FAM193A: variants seen among roughly 807,000 people sequenced by gnomAD.
FAM193A encodes the protein protein FAM193A.
FAM193A carries 22 observed loss-of-function variants against 126.5 expected under a neutral mutation model. The observed-to-expected ratio is 0.17, with a 90% CI of 0.12 to 0.25. FAM193A has a LOEUF of 0.25. Among genes scored for constraint, FAM193A ranks in the 10% least tolerant of loss-of-function variants. The probability of loss-of-function intolerance (pLI) is 1.00; values close to 1 mark genes in which losing one functional copy is unlikely to be tolerated. For synonymous variants in FAM193A, 761 were observed against 646.8 expected (o/e 1.18, Z -2.68); for missense variants, 1,675 against 1,672.8 (o/e 1.00, Z -0.02).
At chr4:2,539,974 C>T (rs1442495997) in intron 1 of FAM193A, among the ~76,000 whole-genome samples, 2 of 151,842 alleles carry the variant, frequency 1.3e-5, no homozygotes, top group African/African-American at 4.8e-5. Context: ...AAAAATTAGC[C>T]AGGTGTGGTG....
chr4:2,610,888 C>T (rs1052739081), intron 2 of FAM193A, among the ~76,000 whole-genome samples: 1 of 152,036 alleles, frequency 6.6e-6, no homozygotes, highest in Non-Finnish European at 1.5e-5. Context: ...CAGGCATGCA[C>T]CACCACGCCC....
intron 15 of FAM193A, among the ~76,000 whole-genome samples, chr4:2,691,458 G>T (rs1377574877): frequency 1.3e-5 from 2 of 152,170 alleles, no homozygotes; most frequent in Admixed American, 1.3e-4. Context: ...TGAGCATGTG[G>T]CAAGATTTCT....
intron 12 of FAM193A, among the ~76,000 whole-genome samples, chr4:2,669,213 C>G (rs559369608): frequency 2.0e-5 from 3 of 152,122 alleles, no homozygotes; most frequent in Admixed American, 1.3e-4. Flanking sequence ...TAAATTCTGC[C>G]GAATTTAAGT....
At chr4:2,605,694 G>A (rs1052439328) in intron 2 of FAM193A, among the ~76,000 whole-genome samples, 1 of 152,124 alleles carries the variant, frequency 6.6e-6, no homozygotes, top group African/African-American at 2.4e-5. Context: ...AAGTAGGGCC[G>A]GACACGGTGG....
At chr4:2,669,634 G>C (rs1276002274) in intron 12 of FAM193A, among the ~76,000 whole-genome samples, 1 of 152,142 alleles carries the variant, frequency 6.6e-6, no homozygotes, top group African/African-American at 2.4e-5. Context: ...ATAATAAATA[G>C]AGTGGTTGTT....
At chr4:2,568,021 A>G (rs1207976557) in intron 1 of FAM193A, among the ~76,000 whole-genome samples, 2 of 151,694 alleles carry the variant, frequency 1.3e-5, no homozygotes, top group Non-Finnish European at 2.9e-5. Context: ...TCTCGTCTCC[A>G]TTTCCCACCC....
In FAM193A at chr4:2,615,178, C is replaced by T. The variant is rs1258507833; in HGVS notation, c.502-10084C>T. On this transcript the variant is annotated intron_variant, in intron 2 of 20. Coordinates refer to ENST00000637812, the MANE Select transcript of FAM193A (RefSeq NM_001366318.2). ...TCAAGAAGGAACAAAGAAATCTGTA[C>T]TGGTTGTGAACAGTTAGTTATCAAC... is the stretch of plus-strand genomic sequence containing the variant. The T allele has an allele frequency of 3.9e-5, 6 of 152,480 alleles. No homozygotes were observed. In the South Asian group the frequency reaches 1.2e-3, roughly 32 times the overall value. 9.4% of individuals were successfully genotyped at this position (152,480 alleles called of 1,614,324 possible). A position where few individuals can be genotyped will look rare whatever the true frequency, so the allele number is the denominator to read the frequency against.
chr4:2,542,176 T>C (rs763153746), intron 1 of FAM193A, among the ~76,000 whole-genome samples: 11 of 152,032 alleles, frequency 7.2e-5, no homozygotes, highest in Non-Finnish European at 1.3e-4. Flanking sequence ...CCACCACACT[T>C]GGGTAATTTT....
At chr4:2,567,567 T>A (rs2108852068) in intron 1 of FAM193A, among the ~76,000 whole-genome samples, 1 of 152,348 alleles carries the variant, frequency 6.6e-6, no homozygotes, top group South Asian at 2.1e-4. Flanking sequence ...CAACAAGTTT[T>A]GTGTTGTTAT....
chr4:2,559,025 A>G (rs907329876), intron 1 of FAM193A, among the ~76,000 whole-genome samples: 2 of 152,222 alleles, frequency 1.3e-5, no homozygotes, highest in African/African-American at 4.8e-5. Flanking sequence ...CAAGAACAGC[A>G]TAGGAAGACG....
chr4:2,725,503 T>C (rs1720639880), intron 20 of FAM193A, among the ~76,000 whole-genome samples: 1 of 136,666 alleles, frequency 7.3e-6, no homozygotes, highest in Non-Finnish European at 1.6e-5. Context: ...GGCAGTGAAA[T>C]GTGAGAGCGG....
intron 7 of FAM193A, among the ~76,000 whole-genome samples, chr4:2,648,983 T>TC (rs1443559084): frequency 6.6e-6 from 1 of 152,194 alleles, no homozygotes; most frequent in Non-Finnish European, 1.5e-5. Context: ...ATGAGTCTTT[T>TC]CCCTCCCTAC....
At chr4:2,643,141 C>T (rs1577123114) in intron 6 of FAM193A, among the ~76,000 whole-genome samples, 2 of 152,264 alleles carry the variant, frequency 1.3e-5, no homozygotes, top group East Asian at 3.9e-4. Flanking sequence ...CCAACCAGCA[C>T]GTTCCCTGAG....
intron 1 of FAM193A, among the ~76,000 whole-genome samples, chr4:2,553,974 A>G (rs1738104597): frequency 6.6e-6 from 1 of 152,078 alleles, no homozygotes; most frequent in Admixed American, 6.6e-5. Context: ...CTCCCCAGGC[A>G]TGTGGAACTC....
intron 20 of FAM193A, among the ~76,000 whole-genome samples, chr4:2,724,893 G>T (rs1033009557): frequency 3.3e-5 from 5 of 152,080 alleles, no homozygotes; most frequent in Non-Finnish European, 5.9e-5. Context: ...TTAACTTTTT[G>T]AGATGGAGTT....
At chr4:2,542,985 TC>T (rs1737324423) in intron 1 of FAM193A, among the ~76,000 whole-genome samples, 2 of 151,958 alleles carry the variant, frequency 1.3e-5, no homozygotes, top group Admixed American at 6.6e-5. Context: ...GCTTATAGGG[TC>T]TTTGACTCAA....
chr4:2,612,926 T>C (rs749041583), intron 2 of FAM193A, among the ~76,000 whole-genome samples: 1 of 152,258 alleles, frequency 6.6e-6, no homozygotes. Context: ...ATGTAAACTT[T>C]AGAGCCAACT....
chr4:2,648,009 G>A lies in FAM193A; in HGVS notation c.1311+1177G>A, dbSNP rs192292916. 3.4e-3 allele frequency among the ~76,000 whole-genome samples: 522 copies of A among 152,248 alleles called. 3 individuals carry two copies. The highest frequency in any genetic ancestry group is 0.012 in the African/African-American group (507 of 41,538). ...TGTGCTTGCTCCCTCCGAGAATTGTGTCATTGATTTCACAGCTACAGGCCG... is the reference window on the plus strand; with the variant it reads ...TGTGCTTGCTCCCTCCGAGAATTGTATCATTGATTTCACAGCTACAGGCCG... On this transcript the variant is annotated intron_variant, in intron 7 of 20. Transcript: ENST00000637812.
intron 4 of FAM193A, among the ~76,000 whole-genome samples, chr4:2,627,694 C>T (rs1274714516): frequency 6.7e-6 from 1 of 150,160 alleles, no homozygotes; most frequent in African/African-American, 2.5e-5. Context: ...TCTCCTGCCT[C>T]AGCCTCCTGA....
Sources: allele counts gnomAD v4.1 joint callset (sites outside exome capture counted in the v4.1 genomes callset), GRCh38; gene constraint gnomAD v4.1.1; transcripts MANE v1.5; gene names NCBI Gene and HGNC (gene_info 2026-07-23, HGNC 2026-07-21).